TMTC2: variants seen among roughly 807,000 people sequenced by gnomAD.
TMTC2 encodes the protein protein O-mannosyl-transferase TMTC2.
Under a neutral mutation model 82.4 loss-of-function variants are expected in TMTC2, and 43 were observed. The observed-to-expected ratio is 0.52, with a 90% CI of 0.41 to 0.67. The LOEUF (loss-of-function observed/expected upper bound fraction) is 0.67, where lower values mean the gene tolerates loss of function less well. TMTC2 is among the 30% of genes least tolerant of loss of function. The pLI is 0.00. For missense variants in TMTC2, 919 were observed against 1,012.4 expected (o/e 0.91, Z 1.25); for synonymous variants, 408 against 381.9 (o/e 1.07, Z -0.80).
chr12:82,924,571 A>AT (rs1875589172), intron 3 of TMTC2, among the ~76,000 whole-genome samples: 1 of 152,098 alleles, frequency 6.6e-6, no homozygotes, highest in South Asian at 2.1e-4. Context: ...AATAGGAGAG[A>AT]TTTTCATTTG....
intron 1 of TMTC2, among the ~76,000 whole-genome samples, chr12:82,784,469 A>T (rs1878077024): frequency 6.6e-6 from 1 of 152,202 alleles, no homozygotes; most frequent in South Asian, 2.1e-4. Flanking sequence ...GCACGGCCTG[A>T]TACATCGGTG....
intron 8 of TMTC2, among the ~76,000 whole-genome samples, chr12:83,010,423 G>A (rs1428341654): frequency 1.3e-5 from 2 of 152,118 alleles, no homozygotes; most frequent in African/African-American, 2.4e-5. Flanking sequence ...GATTGCCTGA[G>A]CAGCAGCCTG....
At chr12:82,942,986 G>T (rs1460975183) in intron 4 of TMTC2, among the ~76,000 whole-genome samples, 2 of 152,158 alleles carry the variant, frequency 1.3e-5, no homozygotes, top group Non-Finnish European at 2.9e-5. Context: ...TCAGTAAGTT[G>T]CTGCAAGTGG....
intron 3 of TMTC2, among the ~76,000 whole-genome samples, chr12:82,902,425 T>G (rs1195313258): frequency 6.6e-6 from 1 of 152,232 alleles, no homozygotes; most frequent in Non-Finnish European, 1.5e-5. Flanking sequence ...TGTCTTTCTC[T>G]AGATTTCAGG....
At chr12:82,972,123 A>C (rs1412566683) in intron 7 of TMTC2, among the ~76,000 whole-genome samples, 1 of 152,142 alleles carries the variant, frequency 6.6e-6, no homozygotes, top group East Asian at 1.9e-4. Flanking sequence ...ACATATTCAT[A>C]ATTTCCTGTT....
intron 1 of TMTC2, among the ~76,000 whole-genome samples, chr12:82,847,212 C>T (rs1287990042): frequency 1.3e-5 from 2 of 152,160 alleles, no homozygotes; most frequent in African/African-American, 4.8e-5. Context: ...GGTTAAGTGG[C>T]AAATGAGTGC....
At chr12:83,123,035 T>C (rs1452080250) in intron 11 of TMTC2, among the ~76,000 whole-genome samples, 1 of 152,190 alleles carries the variant, frequency 6.6e-6, no homozygotes, top group Non-Finnish European at 1.5e-5. Flanking sequence ...ACCTTTGAAA[T>C]TGCTCTGTTA....
intron 1 of TMTC2, among the ~76,000 whole-genome samples, chr12:82,850,445 G>T (rs1296219114): frequency 1.3e-5 from 2 of 150,892 alleles, no homozygotes; most frequent in African/African-American, 4.9e-5. Context: ...AGGCTAGAGT[G>T]GGTGGAGTCA....
At chr12:82,953,742 C>A (rs1340863794) in intron 4 of TMTC2, among the ~76,000 whole-genome samples, 2 of 151,958 alleles carry the variant, frequency 1.3e-5, no homozygotes, top group Admixed American at 1.3e-4. Context: ...TCAAATATGA[C>A]TGCAACCAAT....
rs528369801 is a variant in TMTC2 at position 82,906,211 on chromosome 12, G to A, written c.1483+9565G>A. 1.6e-4 allele frequency among the ~76,000 whole-genome samples: 25 copies of A among 152,102 alleles called. No homozygotes were observed. In the South Asian group the frequency reaches 3.3e-3, roughly 20 times the overall value. On this transcript the variant is annotated intron_variant, in intron 3 of 11. Coordinates refer to ENST00000321196, the MANE Select transcript of TMTC2 (RefSeq NM_152588.3). ...TATAGTCTAAGCTTTTGTTTACCTC[G>A]AATTGAGTGTCTTTAACTATGATGA...
intron 2 of TMTC2, among the ~76,000 whole-genome samples, chr12:82,886,760 G>T (rs1247447343): frequency 6.6e-6 from 1 of 152,122 alleles, no homozygotes; most frequent in East Asian, 1.9e-4. Context: ...TTCTTTTAAA[G>T]GGAAACAGAA....
chr12:82,798,203 C>T (rs1878815697), intron 1 of TMTC2, among the ~76,000 whole-genome samples: 1 of 150,310 alleles, frequency 6.7e-6, no homozygotes, highest in Non-Finnish European at 1.5e-5. Context: ...GATCCACCTG[C>T]CTCAGCCTCC....
At chr12:82,808,123 C>A (rs1355677944) in intron 1 of TMTC2, among the ~76,000 whole-genome samples, 2 of 151,786 alleles carry the variant, frequency 1.3e-5, no homozygotes, top group East Asian at 1.9e-4. Context: ...GGCTGCATCT[C>A]TGGGGATTAA....
intron 11 of TMTC2, among the ~76,000 whole-genome samples, chr12:83,085,313 C>T (rs897583981): frequency 6.6e-6 from 1 of 152,164 alleles, no homozygotes; most frequent in African/African-American, 2.4e-5. Flanking sequence ...CAAGCATTAC[C>T]CTTTATCTGA....
At chr12:82,700,292 A>G (rs1873009587) in intron 1 of TMTC2, among the ~76,000 whole-genome samples, 1 of 152,238 alleles carries the variant, frequency 6.6e-6, no homozygotes, top group Non-Finnish European at 1.5e-5. Context: ...TTGGAACCAT[A>G]CTAGTGTCTA....
At chr12:82,705,107 A>G (rs1873285616) in intron 1 of TMTC2, among the ~76,000 whole-genome samples, 2 of 152,190 alleles carry the variant, frequency 1.3e-5, no homozygotes, top group South Asian at 2.1e-4. Context: ...CAAACATCCT[A>G]TGTTCTCACT....
chr12:82,840,407 A>C (rs1440630583), intron 1 of TMTC2, among the ~76,000 whole-genome samples: 1 of 152,276 alleles, frequency 6.6e-6, no homozygotes, highest in Non-Finnish European at 1.5e-5. Flanking sequence ...GTAAAAAGTT[A>C]GATTGGTTGT....
intron 1 of TMTC2, among the ~76,000 whole-genome samples, chr12:82,846,578 A>G (rs1301706461): frequency 6.6e-6 from 1 of 152,090 alleles, no homozygotes; most frequent in Non-Finnish European, 1.5e-5. Context: ...CTGTGCAGAT[A>G]TAGCTCATAA....
In TMTC2 at chr12:83,046,337, A is replaced by C. The variant is rs142794127; in HGVS notation, c.2153-4567A>C. On this transcript the variant is annotated intron_variant, in intron 9 of 11. Coordinates refer to ENST00000321196, the MANE Select transcript of TMTC2 (RefSeq NM_152588.3). ...CTCAAAGTATGGACACTGAACTGGC[A>C]GCATCAGCATCACCAGGGAACTTGT... 3.4e-3 allele frequency among the ~76,000 whole-genome samples: 521 copies of C among 152,320 alleles called. 1 individual carries two copies. Among genetic ancestry groups the C allele is most frequent in the Non-Finnish European group, 6.1e-3 (415 of 68,022 alleles).
Sources: gnomAD v4.1 joint callset for allele counts (sites outside exome capture counted in the v4.1 genomes callset) on GRCh38, gnomAD v4.1.1 for gene constraint, MANE v1.5 for transcripts, NCBI Gene and HGNC (gene_info 2026-07-23, HGNC 2026-07-21) for gene names.